Variants in FAM171A1 observed in about 807,000 individuals in gnomAD.
The protein encoded by FAM171A1 is family with sequence similarity 171 member A1.
FAM171A1 carries 23 observed loss-of-function variants against 74.9 expected under a neutral mutation model. That is an observed-to-expected ratio of 0.31 (90% CI 0.22 to 0.44). The LOEUF (loss-of-function observed/expected upper bound fraction) is 0.44. Ranked by LOEUF, FAM171A1 falls within the 20% of genes least tolerant of loss-of-function variation. The pLI is 1.00. For missense variants in FAM171A1, 1,162 were observed against 1,159.2 expected, an observed-to-expected ratio of 1.00 and a Z score of -0.03; for synonymous variants, 527 against 505.7, an observed-to-expected ratio of 1.04 and a Z score of -0.57.
intron 1 of FAM171A1, among the ~76,000 whole-genome samples, chr10:15,342,923 A>G (rs796271526): frequency 1.3e-5 from 2 of 152,260 alleles, no homozygotes; most frequent in African/African-American, 4.8e-5. Context: ...CCAGGGTGAA[A>G]CCTGCCCTGT....
chr10:15,343,025 C>T (rs71485562), intron 1 of FAM171A1, among the ~76,000 whole-genome samples: 4,941 of 152,192 alleles, frequency 0.032, 94 homozygotes, highest in Middle Eastern at 0.099. Flanking sequence ...AGGCTGCAGC[C>T]GAGTGGGTCC....
chr10:15,274,461 C>T (rs1436141578), intron 3 of FAM171A1, among the ~76,000 whole-genome samples: 1 of 152,124 alleles, frequency 6.6e-6, no homozygotes, highest in Non-Finnish European at 1.5e-5. Flanking sequence ...CCATACTGCC[C>T]AAGGTAATTT....
At chr10:15,219,602 G>A (rs1204714932) in intron 6 of FAM171A1, among the ~76,000 whole-genome samples, 23 of 151,966 alleles carry the variant, frequency 1.5e-4, no homozygotes, top group Admixed American at 1.5e-3. Context: ...CTTTTTTTGA[G>A]AGGGTGTCTC....
chr10:15,233,129 C>T (rs1834229324), intron 5 of FAM171A1, among the ~76,000 whole-genome samples: 1 of 151,950 alleles, frequency 6.6e-6, no homozygotes, highest in South Asian at 2.1e-4. Context: ...CCCGTTTCTA[C>T]TAAAAAATAC....
At chr10:15,330,771 G>A (rs1413344617) in intron 1 of FAM171A1, among the ~76,000 whole-genome samples, 2 of 133,334 alleles carry the variant, frequency 1.5e-5, no homozygotes, top group Admixed American at 8.8e-5. Flanking sequence ...AGGCTGGAGT[G>A]CAGTGGCACA....
intron 1 of FAM171A1, among the ~76,000 whole-genome samples, chr10:15,289,831 ACGCCCCATCATT>A (rs1835081795): frequency 6.6e-6 from 1 of 152,226 alleles, no homozygotes; most frequent in South Asian, 2.1e-4. Flanking sequence ...GAACACAGCC[ACGCCCCATCATT>A]TGCATGGGCT....
chr10:15,339,021 G>A (rs565557390), intron 1 of FAM171A1, among the ~76,000 whole-genome samples: 1 of 152,294 alleles, frequency 6.6e-6, no homozygotes, highest in East Asian at 1.9e-4. Flanking sequence ...TTATAGGCAT[G>A]AGCCACCGCA....
At chr10:15,331,795 G>GTGTATATA (rs1412046667) in intron 1 of FAM171A1, among the ~76,000 whole-genome samples, 47 of 146,872 alleles carry the variant, frequency 3.2e-4, no homozygotes, top group Non-Finnish European at 5.5e-4. Context: ...AGATGTGTGT[G>GTGTATATA]TGTATATATG....
At chr10:15,229,936 CCATCACCAT>C (rs1187332109) in intron 5 of FAM171A1, among the ~76,000 whole-genome samples, 1 of 151,054 alleles carries the variant, frequency 6.6e-6, no homozygotes, top group Non-Finnish European at 1.5e-5. Flanking sequence ...ATCATCATCA[CCATCACCAT>C]CATCACCATC....
Position 15,300,502 on chromosome 10 carries a change from T to G in FAM171A1, c.98-16397A>C, listed in dbSNP as rs146798826. Among the ~76,000 whole-genome samples the G allele has an allele frequency of 4.8e-3, 729 of 152,214 alleles. 11 individuals are homozygous for G. Among genetic ancestry groups the G allele is most frequent in the African/African-American group, 0.016 (665 of 41,532 alleles). ...GCTAGCAACAAAAGTATTCCTGATC[T>G]TTCCCCACCTGCAAGCATTCCACTA... On this transcript the variant is annotated intron_variant, in intron 1 of 7. Transcript: ENST00000378116.
chr10:15,360,540 T>C lies in FAM171A1; in HGVS notation c.97+10416A>G, dbSNP rs145577905. On this transcript the variant is annotated intron_variant, in intron 1 of 7. Coordinates refer to ENST00000378116, the MANE Select transcript of FAM171A1 (RefSeq NM_001010924.2). ...CTTCTGATTAGTTCAGTTTAGCTAT[T>C]CTAGGGCTGAGCTTGTCATGACCAG... 1.8e-4 allele frequency among the ~76,000 whole-genome samples: 27 copies of C among 152,362 alleles called. No individual in the cohort carries two copies. In the Middle Eastern group the frequency reaches 0.01, roughly 58 times the overall value.
At chr10:15,255,306 G>C (rs78307992) in intron 3 of FAM171A1, among the ~76,000 whole-genome samples, 6 of 152,200 alleles carry the variant, frequency 3.9e-5, no homozygotes, top group Non-Finnish European at 7.4e-5. Context: ...AATCTCCCTG[G>C]AAAAATCTGG....
At chr10:15,368,575 T>C (rs960857847) in intron 1 of FAM171A1, among the ~76,000 whole-genome samples, 13 of 152,190 alleles carry the variant, frequency 8.5e-5, no homozygotes, top group Non-Finnish European at 1.9e-4. Context: ...GAACTTTTCT[T>C]CTTAAAATGC....
At chr10:15,279,992 CAGG>C (rs1834946461) in intron 2 of FAM171A1, among the ~76,000 whole-genome samples, 1 of 152,124 alleles carries the variant, frequency 6.6e-6, no homozygotes. Flanking sequence ...GATGCTGAGG[CAGG>C]AGAATTGCTT....
chr10:15,242,428 A>C (rs1455653353), intron 5 of FAM171A1, among the ~76,000 whole-genome samples: 1 of 152,194 alleles, frequency 6.6e-6, no homozygotes, highest in Non-Finnish European at 1.5e-5. Flanking sequence ...TTTTTTCTGC[A>C]TACATGCAAT....
chr10:15,370,363 G>A (rs1424795726), intron 1 of FAM171A1, among the ~76,000 whole-genome samples: 1 of 151,632 alleles, frequency 6.6e-6, no homozygotes, highest in Non-Finnish European at 1.5e-5. Flanking sequence ...ACGTCAGATA[G>A]GCAGGGGGAG....
intron 3 of FAM171A1, among the ~76,000 whole-genome samples, chr10:15,273,145 C>A (rs1417365138): frequency 6.6e-6 from 1 of 151,846 alleles, no homozygotes; most frequent in Non-Finnish European, 1.5e-5. Context: ...AGACCACTAG[C>A]AAGACTAATA....
intron 5 of FAM171A1, among the ~76,000 whole-genome samples, chr10:15,225,831 G>T (rs889386230): frequency 6.6e-6 from 1 of 152,148 alleles, no homozygotes; most frequent in Non-Finnish European, 1.5e-5. Flanking sequence ...TCTCAAGTCG[G>T]CCCACCTGCC....
chr10:15,352,252 T>C (rs1032283652), intron 1 of FAM171A1, among the ~76,000 whole-genome samples: 15 of 151,628 alleles, frequency 9.9e-5, no homozygotes, highest in Non-Finnish European at 1.8e-4. Context: ...ATAAATATAC[T>C]AATTAAATTA....
Sources: gnomAD v4.1 joint callset for allele counts (sites outside exome capture counted in the v4.1 genomes callset) on GRCh38, gnomAD v4.1.1 for gene constraint, MANE v1.5 for transcripts, NCBI Gene and HGNC (gene_info 2026-07-23, HGNC 2026-07-21) for gene names.